Variants in CADM2 observed in about 807,000 individuals in gnomAD.
CADM2 encodes cell adhesion molecule 2.
In CADM2, 12 loss-of-function variants were observed where a neutral mutation model predicts 49.8. That is an observed-to-expected ratio of 0.24 (90% CI 0.15 to 0.39). The LOEUF is 0.39. Among genes scored for constraint, CADM2 ranks in the 10% least tolerant of loss-of-function variants. CADM2 has a pLI of 1.00. For synonymous variants in CADM2, 214 were observed against 175.4 expected, an observed-to-expected ratio of 1.22 and a Z score of -1.74; for missense variants, 378 against 492.3, an observed-to-expected ratio of 0.77 and a Z score of 2.20.
At chr3:85,919,665 C>T (rs1055511488) in intron 6 of CADM2, among the ~76,000 whole-genome samples, 10 of 151,822 alleles carry the variant, frequency 6.6e-5, no homozygotes, top group African/African-American at 2.2e-4. Flanking sequence ...TAACAACTTA[C>T]ATTTTTAAAA....
intron 1 of CADM2, among the ~76,000 whole-genome samples, chr3:85,471,854 T>A (rs1231740345): frequency 6.6e-6 from 1 of 151,654 alleles, no homozygotes; most frequent in Non-Finnish European, 1.5e-5. Context: ...TTTTAAAGAT[T>A]AACATAAATT....
chr3:85,259,479 T>C (rs897018552), intron 1 of CADM2, among the ~76,000 whole-genome samples: 5 of 152,158 alleles, frequency 3.3e-5, no homozygotes, highest in African/African-American at 1.2e-4. Flanking sequence ...CTGCATACTG[T>C]AATTTATTTT....
intron 1 of CADM2, among the ~76,000 whole-genome samples, chr3:85,108,739 G>C (rs1044811106): frequency 6.6e-6 from 1 of 151,670 alleles, no homozygotes; most frequent in African/African-American, 2.4e-5. Context: ...TAGATAGAAG[G>C]GATGTAAACT....
intron 3 of CADM2, among the ~76,000 whole-genome samples, chr3:85,815,684 G>T (rs1321232350): frequency 6.6e-6 from 1 of 152,068 alleles, no homozygotes; most frequent in Non-Finnish European, 1.5e-5. Context: ...GAAAACCGGT[G>T]CAAGACAAGG....
intron 1 of CADM2, among the ~76,000 whole-genome samples, chr3:85,226,867 C>A (rs1470912573): frequency 6.6e-6 from 1 of 152,106 alleles, no homozygotes; most frequent in East Asian, 1.9e-4. Context: ...TTTATTTCTG[C>A]CTTCATTTCA....
chr3:85,359,668 T>TATATATATATATATATATA (rs1559799260), intron 1 of CADM2, among the ~76,000 whole-genome samples: 13 of 22,432 alleles, frequency 5.8e-4, no homozygotes, highest in Admixed American at 4.9e-3. Flanking sequence ...ATATATATAT[T>TATATATATATATATATATA]TTTTTTTTTG....
At chr3:86,046,023 T>C (rs544377424) in intron 8 of CADM2, among the ~76,000 whole-genome samples, 2 of 152,090 alleles carry the variant, frequency 1.3e-5, no homozygotes, top group African/African-American at 2.4e-5. Flanking sequence ...CAAAGTCCAG[T>C]TGGATGCAAA....
At chr3:85,768,611 A>G (rs1250904645) in intron 2 of CADM2, among the ~76,000 whole-genome samples, 2 of 148,802 alleles carry the variant, frequency 1.3e-5, no homozygotes, top group African/African-American at 4.9e-5. Flanking sequence ...GTAAAAAATC[A>G]TAATTTACTT....
intron 1 of CADM2, among the ~76,000 whole-genome samples, chr3:85,131,645 G>A (rs1380197358): frequency 6.6e-6 from 1 of 151,986 alleles, no homozygotes; most frequent in Non-Finnish European, 1.5e-5. Context: ...CCATTTTTAA[G>A]GTAATATAAC....
intron 2 of CADM2, among the ~76,000 whole-genome samples, chr3:85,783,818 G>T (rs2070804640): frequency 6.6e-6 from 1 of 152,158 alleles, no homozygotes; most frequent in African/African-American, 2.4e-5. Context: ...TTTGCTTAGA[G>T]ATATTTGACC....
chr3:85,665,564 T>C (rs1345894783), intron 1 of CADM2, among the ~76,000 whole-genome samples: 1 of 151,990 alleles, frequency 6.6e-6, no homozygotes, highest in African/African-American at 2.4e-5. Flanking sequence ...TGCTACCTCA[T>C]TACTTTGCTA....
intron 1 of CADM2, among the ~76,000 whole-genome samples, chr3:85,299,919 C>T (rs1032458807): frequency 2.0e-5 from 3 of 151,784 alleles, no homozygotes; most frequent in Non-Finnish European, 4.4e-5. Flanking sequence ...TGTAGCAGAT[C>T]GTCAGAAAGA....
chr3:85,540,389 A>C (rs2061512068), intron 1 of CADM2, among the ~76,000 whole-genome samples: 1 of 152,246 alleles, frequency 6.6e-6, no homozygotes, highest in East Asian at 1.9e-4. Flanking sequence ...TAAACATACA[A>C]TATTTCATTG....
intron 1 of CADM2, among the ~76,000 whole-genome samples, chr3:85,562,757 C>T (rs556296802): frequency 2.0e-5 from 3 of 152,206 alleles, no homozygotes; most frequent in Admixed American, 2.0e-4. Context: ...ATACTTCATT[C>T]TTGTTACACT....
intron 1 of CADM2, among the ~76,000 whole-genome samples, chr3:85,586,192 G>A (rs893074903): frequency 2.6e-5 from 4 of 151,980 alleles, no homozygotes; most frequent in Admixed American, 1.3e-4. Context: ...GCTACAGCAC[G>A]GCCTGTCTTG....
intron 1 of CADM2, among the ~76,000 whole-genome samples, chr3:85,402,985 G>A (rs192027715): frequency 8.5e-5 from 13 of 152,204 alleles, no homozygotes; most frequent in African/African-American, 2.2e-4. Context: ...GCTAGGAACC[G>A]TATTTTCAGC....
chr3:85,720,780 A>G (rs66718620), intron 1 of CADM2, among the ~76,000 whole-genome samples: 17,399 of 152,160 alleles, frequency 0.11, 1,944 homozygotes, highest in African/African-American at 0.28. Flanking sequence ...AAGAAAGAAA[A>G]CAAAAAGAGG....
intron 5 of CADM2, among the ~76,000 whole-genome samples, chr3:85,910,913 C>T (rs6762825): frequency 0.038 from 5,840 of 152,058 alleles, 369 homozygotes; most frequent in African/African-American, 0.13. Context: ...AGTTAGTGAA[C>T]ATGCATATGT....
At chr3:85,944,126 T>A (rs1722327205) in intron 7 of CADM2, among the ~76,000 whole-genome samples, 1 of 152,090 alleles carries the variant, frequency 6.6e-6, no homozygotes, top group African/African-American at 2.4e-5. Flanking sequence ...GCAATCTTAG[T>A]CTCTGATAAA....
Sources: allele counts gnomAD v4.1 joint callset (sites outside exome capture counted in the v4.1 genomes callset), GRCh38; gene constraint gnomAD v4.1.1; transcripts MANE v1.5; gene names NCBI Gene and HGNC (gene_info 2026-07-23, HGNC 2026-07-21).